The following CENPC variants were observed in gnomAD, a reference collection of about 807,000 sequenced individuals.
CENPC encodes the protein CENP-C 1.
CENPC carries 63 observed loss-of-function variants against 112.1 expected under a neutral mutation model. The ratio of observed to expected loss-of-function variants is 0.56; its 90% CI spans 0.46 to 0.69. The LOEUF is 0.69. Among genes scored for constraint, CENPC ranks in the 30% least tolerant of loss-of-function variants. The pLI, the probability that CENPC is intolerant of heterozygous loss-of-function variation, is 0.00. For synonymous variants in CENPC, 333 were observed against 367.6 expected, an observed-to-expected ratio of 0.91 and a Z score of 1.08; for missense variants, 1,000 against 1,103.8, an observed-to-expected ratio of 0.91 and a Z score of 1.33.
intron 2 of CENPC, among the ~76,000 whole-genome samples, chr4:67,542,706 C>T (rs1475207963): frequency 6.6e-6 from 1 of 152,122 alleles, no homozygotes; most frequent in Admixed American, 6.6e-5. Context: ...AATGGCCTAC[C>T]TCAGTTTGTA....
intron 13 of CENPC, 73 bp downstream of exon 13, chr4:67,495,086 T>A: frequency 7.6e-7 from 1 of 1,309,464 alleles, no homozygotes; most frequent in East Asian, 2.7e-5. Context: ...TAAGAAGAAA[T>A]AAGTTATATT....
intron 4 of CENPC, among the ~76,000 whole-genome samples, chr4:67,537,733 C>T (rs1285544874): frequency 6.6e-6 from 1 of 152,122 alleles, no homozygotes; most frequent in Non-Finnish European, 1.5e-5. Flanking sequence ...GCAGAGGTTG[C>T]AGTGAGCCAA....
intron 9 of CENPC, 150 bp from the exon 10 acceptor site, chr4:67,509,255 C>CGT: frequency 4.3e-6 from 2 of 469,860 alleles, no homozygotes; most frequent in Non-Finnish European, 7.4e-6. Flanking sequence ...CACACACACA[C>CGT]ATCTCAGGCT....
chr4:67,510,834 T>C (rs908736946), intron 9 of CENPC: 2 of 363,204 alleles, frequency 5.5e-6, no homozygotes, highest in Non-Finnish European at 1.1e-5. Flanking sequence ...TTAGACTATA[T>C]GATATATAAA....
At position 67,478,666 on chromosome 4, in the gene CENPC, A is replaced by ACACACACACACACACC. The variant is rs146500743; in HGVS notation, c.2671-3689_2671-3688insGGTGTGTGTGTGTGTG. Among the ~76,000 whole-genome samples the ACACACACACACACACC allele has an allele frequency of 3.5e-4, 27 of 76,638 alleles. 2 individuals carry two copies. The highest frequency in any genetic ancestry group is 9.2e-4 in the African/African-American group (24 of 26,004). The allele number at this position is 76,638 out of a possible 152,430, so 50.3% of individuals were successfully genotyped here. A position where few individuals can be genotyped will look rare whatever the true frequency, so the allele number is the denominator to read the frequency against. ...CACACACACACACACACACACACAC[A>ACACACACACACACACC]CCCAAAGTATTCAGGCAACAACTAG... On this transcript the variant is annotated intron_variant, in intron 17 of 18. Transcript: ENST00000273853.
chr4:67,475,962 C>A (rs1724793892), intron 17 of CENPC, among the ~76,000 whole-genome samples: 1 of 152,112 alleles, frequency 6.6e-6, no homozygotes, highest in South Asian at 2.1e-4. Context: ...CAGCAAACTG[C>A]CTACATGATA....
chr4:67,523,645 T>C (rs891687508), intron 5 of CENPC, among the ~76,000 whole-genome samples: 26 of 145,630 alleles, frequency 1.8e-4, no homozygotes, highest in Admixed American at 5.6e-4. Context: ...TTTATAGGTA[T>C]GTGTTGATAC....
intron 2 of CENPC, 135 bp downstream of exon 2, chr4:67,544,014 T>G: frequency 1.6e-6 from 1 of 618,388 alleles, no homozygotes. Context: ...CCCGTTAGTA[T>G]AAGATGACTA....
intron 13 of CENPC, 133 bp from the exon 14 acceptor site, chr4:67,494,121 A>T: frequency 1.8e-6 from 1 of 546,654 alleles, no homozygotes; most frequent in Middle Eastern, 4.5e-4. Flanking sequence ...AAAAGACTAG[A>T]AAAAACAAAT....
intron 9 of CENPC, among the ~76,000 whole-genome samples, chr4:67,511,439 G>T (rs961621034): frequency 6.6e-6 from 1 of 151,962 alleles, no homozygotes; most frequent in Admixed American, 6.6e-5. Context: ...CTTTAAAAAG[G>T]GACAATTCTC....
At chr4:67,522,919 G>C (rs1726268683) in intron 5 of CENPC, among the ~76,000 whole-genome samples, 1 of 152,000 alleles carries the variant, frequency 6.6e-6, no homozygotes, top group African/African-American at 2.4e-5. Flanking sequence ...AGAATCACTT[G>C]AACTCAGGAG....
chr4:67,510,668 T>C (rs1012785459), intron 9 of CENPC: 1 of 229,148 alleles, frequency 4.4e-6, no homozygotes, highest in Non-Finnish European at 8.7e-6. Context: ...CTGGTCCTAC[T>C]TTACCTCATT....
chr4:67,522,470 C>A (rs1477034013), intron 5 of CENPC, among the ~76,000 whole-genome samples: 1 of 152,158 alleles, frequency 6.6e-6, no homozygotes, highest in African/African-American at 2.4e-5. Flanking sequence ...ATAATGGCTA[C>A]TTTGGGCTTC....
chr4:67,521,946 C>T (rs1726241077), intron 5 of CENPC, among the ~76,000 whole-genome samples: 1 of 152,036 alleles, frequency 6.6e-6, no homozygotes, highest in Admixed American at 6.6e-5. Flanking sequence ...AAAAGAGATA[C>T]TGTTTAATGG....
chr4:67,500,136 GAC>G (rs1460826793), intron 12 of CENPC, among the ~76,000 whole-genome samples: 5 of 151,556 alleles, frequency 3.3e-5, no homozygotes, highest in Admixed American at 6.6e-5. Flanking sequence ...ACCAAAATGT[GAC>G]ACAGAGACAC....
intron 15 of CENPC, chr4:67,492,666 A>G (rs1725316662): frequency 1.8e-5 from 15 of 816,996 alleles, no homozygotes; most frequent in Non-Finnish European, 2.5e-5. Context: ...GAAGAAATTT[A>G]TAATATGCTA....
At chr4:67,545,061 A>T (rs1726990057) in intron 1 of CENPC, among the ~76,000 whole-genome samples, 1 of 152,206 alleles carries the variant, frequency 6.6e-6, no homozygotes, top group African/African-American at 2.4e-5. Flanking sequence ...ACAAAAACAA[A>T]AAAAAACCCA....
intron 12 of CENPC, among the ~76,000 whole-genome samples, chr4:67,501,123 C>A (rs1054256723): frequency 1.6e-4 from 25 of 152,220 alleles, no homozygotes; most frequent in South Asian, 4.2e-4. Flanking sequence ...GCCTGGCCAA[C>A]AAGGTGAAAG....
rs944770340 is a variant in CENPC at position 67,469,826 on chromosome 4, A to G, written c.*2779T>C. 9.9e-5 allele frequency: 15 copies of G among 152,224 alleles called. No individual in the cohort carries two copies. Among genetic ancestry groups the G allele is most frequent in the African/African-American group, 3.6e-4 (15 of 41,458 alleles). The allele number at this position is 152,224 out of a possible 1,614,324, so 9.4% of individuals were successfully genotyped here. On this transcript the variant is annotated 3_prime_UTR_variant, in exon 19 of 19. Coordinates refer to ENST00000273853, the MANE Select transcript of CENPC (RefSeq NM_001812.4). ...AGAACAGTGGTCTTAATGGGCACAGAAAGATCACAATTTAGGGCTGTTGAG... is the reference window on the plus strand; with the variant it reads ...AGAACAGTGGTCTTAATGGGCACAGGAAGATCACAATTTAGGGCTGTTGAG...
Sources: allele counts gnomAD v4.1 joint callset (sites outside exome capture counted in the v4.1 genomes callset), GRCh38; gene constraint gnomAD v4.1.1; transcripts MANE v1.5; gene names NCBI Gene and HGNC (gene_info 2026-07-23, HGNC 2026-07-21).